The following AMMECR1 variants were observed in gnomAD, a reference collection of about 807,000 sequenced individuals.
AMMECR1 encodes nuclear protein AMMECR1.
AMMECR1 carries 3 observed loss-of-function variants against 22.5 expected under a neutral mutation model. The observed-to-expected ratio is 0.13, with a 90% CI of 0.06 to 0.35. AMMECR1 has a LOEUF of 0.35. Among genes scored for constraint, AMMECR1 ranks in the 10% least tolerant of loss-of-function variants. The pLI is 1.00. For missense variants in AMMECR1, 235 were observed against 278.7 expected, an observed-to-expected ratio of 0.84 and a Z score of 1.12; for synonymous variants, 130 against 116.7, an observed-to-expected ratio of 1.11 and a Z score of -0.74.
intron 1 of AMMECR1, among the ~76,000 whole-genome samples, chrX:110,312,779 TA>T (rs939166293): frequency 7.3e-5 from 8 of 109,790 alleles, no homozygotes; most frequent in African/African-American, 2.3e-4. Flanking sequence ...TCAACATTGT[TA>T]AAAAAAAACA....
At chrX:110,399,361 C>T (rs898747700) in intron 2 of AMMECR1, among the ~76,000 whole-genome samples, 7 of 112,393 alleles carry the variant, frequency 6.2e-5, no homozygotes, top group African/African-American at 1.3e-4. Flanking sequence ...TTTAAACCTA[C>T]GCTGGTCTGG....
chrX:110,224,639 A>G lies in AMMECR1; in HGVS notation c.585-8007T>C, dbSNP rs1266767173. Among the ~76,000 whole-genome samples, 7 of 111,828 alleles carry G rather than the reference A, an allele frequency of 6.3e-5. No individual in the cohort carries two copies. The East Asian group carries it at 1.9e-3, about 31-fold the overall frequency. On this transcript the variant is annotated intron_variant, in intron 2 of 5. Coordinates refer to ENST00000262844, the MANE Select transcript of AMMECR1 (RefSeq NM_015365.3). ...AGGGATTCATATGCTGCTTTGAAAC[A>G]GTTTCTTAGTTTTCTTGAACTACAG...
chrX:110,352,505 T>G (rs1449588342), intron 2 of AMMECR1, among the ~76,000 whole-genome samples: 7 of 112,172 alleles, frequency 6.2e-5, no homozygotes, highest in Non-Finnish European at 1.3e-4. Context: ...ATATCTATAT[T>G]GGCAGGAAGT....
chrX:110,271,077 C>T (rs2067795910), intron 1 of AMMECR1, among the ~76,000 whole-genome samples: 1 of 111,640 alleles, frequency 9.0e-6, no homozygotes. Flanking sequence ...AGATGCATTT[C>T]TCATCCAACC....
intron 2 of AMMECR1, among the ~76,000 whole-genome samples, chrX:110,229,486 A>G (rs1223789083): frequency 8.9e-6 from 1 of 112,449 alleles, no homozygotes; most frequent in Non-Finnish European, 1.9e-5. Flanking sequence ...ACCACAATAG[A>G]TACAGAAAGG....
chrX:110,342,619 C>T (rs1467829526), intron 2 of AMMECR1, among the ~76,000 whole-genome samples: 1 of 111,668 alleles, frequency 9.0e-6, no homozygotes, highest in African/African-American at 3.3e-5. Context: ...ATCTGCTTGC[C>T]TTGGCCTCCC....
chrX:110,233,814 T>C (rs755572278), intron 2 of AMMECR1, among the ~76,000 whole-genome samples: 1 of 112,251 alleles, frequency 8.9e-6, no homozygotes, highest in East Asian at 2.8e-4. Context: ...AAATTAGGTA[T>C]TGATGGAACG....
chrX:110,371,207 T>G (rs942064162), intron 2 of AMMECR1, among the ~76,000 whole-genome samples: 8 of 110,930 alleles, frequency 7.2e-5, no homozygotes, highest in Admixed American at 9.6e-5. Context: ...CTTCATCCTC[T>G]TTGTGTACCC....
intron 3 of AMMECR1, among the ~76,000 whole-genome samples, chrX:110,205,870 G>A (rs1376139442): frequency 1.8e-5 from 2 of 112,243 alleles, no homozygotes; most frequent in African/African-American, 6.5e-5. Flanking sequence ...GTATCTGTGT[G>A]TGCTGATAGA....
At chrX:110,207,944 C>T (rs960707463) in intron 3 of AMMECR1, among the ~76,000 whole-genome samples, 4 of 110,825 alleles carry the variant, frequency 3.6e-5, no homozygotes, top group Non-Finnish European at 5.7e-5. Context: ...AGACCAGCCT[C>T]GACAACAGAG....
intron 1 of AMMECR1, among the ~76,000 whole-genome samples, chrX:110,286,009 G>C (rs1455803271): frequency 8.9e-6 from 1 of 111,980 alleles, no homozygotes; most frequent in East Asian, 2.8e-4. Flanking sequence ...TACAAGATGG[G>C]AGCAAAATCA....
chrX:110,321,574 A>C (rs767692276), upstream of AMMECR1, among the ~76,000 whole-genome samples: 2 of 112,106 alleles, frequency 1.8e-5, no homozygotes, highest in African/African-American at 6.5e-5. Flanking sequence ...TAGTTAGTTA[A>C]TATATTATCA....
At chrX:110,230,424 T>C (rs949522143) in intron 2 of AMMECR1, among the ~76,000 whole-genome samples, 11 of 112,175 alleles carry the variant, frequency 9.8e-5, no homozygotes, top group African/African-American at 2.9e-4. Context: ...CCAACAGACC[T>C]GAAGCTGAGG....
intron 1 of AMMECR1, among the ~76,000 whole-genome samples, chrX:110,431,272 C>T (rs774275554): frequency 1.8e-5 from 2 of 109,250 alleles, no homozygotes; most frequent in Non-Finnish European, 3.8e-5. Flanking sequence ...ATCATGGGGA[C>T]AGGGCTCCAA....
At chrX:110,229,950 G>A (rs2067554956) in intron 2 of AMMECR1, among the ~76,000 whole-genome samples, 1 of 113,011 alleles carries the variant, frequency 8.8e-6, no homozygotes, top group Non-Finnish European at 1.9e-5. Context: ...GCCTGGCTGG[G>A]GGAGGGGTAT....
chrX:110,219,814 G>A (rs1569376537), intron 2 of AMMECR1, among the ~76,000 whole-genome samples: 1 of 111,969 alleles, frequency 8.9e-6, no homozygotes, highest in Non-Finnish European at 1.9e-5. Context: ...TTTGATTCTT[G>A]CATTTTTTAG....
intron 2 of AMMECR1, among the ~76,000 whole-genome samples, chrX:110,327,118 G>T (rs1336929188): frequency 8.9e-6 from 1 of 112,107 alleles, no homozygotes; most frequent in Non-Finnish European, 1.9e-5. Flanking sequence ...TGCAAATAGA[G>T]ATATGAAATA....
chrX:110,413,485 G>C (rs768263738), intron 2 of AMMECR1, among the ~76,000 whole-genome samples: 1 of 109,463 alleles, frequency 9.1e-6, no homozygotes, highest in South Asian at 4.0e-4. Context: ...CCTCGTTGAC[G>C]CTTCTTTATA....
At chrX:110,439,699 C>T (rs761543600) in intron 1 of AMMECR1, among the ~76,000 whole-genome samples, 12 of 111,268 alleles carry the variant, frequency 1.1e-4, no homozygotes, top group East Asian at 2.8e-4. Flanking sequence ...TGGGAAAGAA[C>T]GAACAGGCAT....
Sources: allele counts gnomAD v4.1 joint callset (sites outside exome capture counted in the v4.1 genomes callset), GRCh38; gene constraint gnomAD v4.1.1; transcripts MANE v1.5; gene names NCBI Gene and HGNC (gene_info 2026-07-23, HGNC 2026-07-21).